DEF8: variants seen among roughly 807,000 people sequenced by gnomAD.
The protein encoded by DEF8 is DEF-8.
Under a neutral mutation model 59.1 loss-of-function variants are expected in DEF8, and 38 were observed. That is an observed-to-expected ratio of 0.64 (90% CI 0.50 to 0.84). The LOEUF is 0.84. DEF8 is among the 40% of genes least tolerant of loss of function. The probability of loss-of-function intolerance (pLI) is 0.00; values close to 1 mark genes in which losing one functional copy is unlikely to be tolerated. For synonymous variants in DEF8, 265 were observed against 250.1 expected (o/e 1.06, Z -0.56); for missense variants, 557 against 615.2 (o/e 0.91, Z 1.00).
At chr16:89,950,309 C>T (rs999613136) in intron 2 of DEF8, 2 of 985,384 alleles carry the variant, frequency 2.0e-6, no homozygotes, top group Non-Finnish European at 2.4e-6. Flanking sequence ...AGTCCTTAGC[C>T]CTTCCATCCA....
Position 89,966,522 on chromosome 16 carries a change from G to C in DEF8, c.*559G>C, listed in dbSNP as rs2034613849. 6.5e-6 allele frequency: 1 copy of C among 154,308 alleles called. No homozygotes were observed. The highest frequency in any genetic ancestry group is 2.4e-5 in the African/African-American group (1 of 41,482). The allele number at this position is 154,308 out of a possible 1,614,324, so 9.6% of individuals were successfully genotyped here. ...CCTTGGGGATTTCTGGTTGTCCCCA[G>C]CTGGGACTGTTCACAGTTGTCACCT... On this transcript the variant is annotated 3_prime_UTR_variant, in exon 13 of 13. Coordinates refer to ENST00000563594, the MANE Select transcript of DEF8 (RefSeq NM_001242818.2).
rs780951070 is a variant in DEF8 at position 89,964,324 on chromosome 16, C to T, written c.1143+14C>T. 7 of 1,571,918 alleles carry T rather than the reference C, an allele frequency of 4.5e-6. No homozygotes were observed. Among genetic ancestry groups the T allele is most frequent in the African/African-American group, 4.0e-5 (3 of 74,202 alleles). ...CTGGACTGCGAGGTGGGCCTCTGCC[C>T]GAGGGCCGCTCTTCTCCAACCCCAG... On this transcript the variant is annotated intron_variant, in intron 11 of 12. Transcript: ENST00000563594.
chr16:89,959,194 G>C (rs761334551), intron 6 of DEF8, 39 bp downstream of exon 6: 5 of 1,613,160 alleles, frequency 3.1e-6, no homozygotes, highest in East Asian at 4.5e-5. Context: ...GAATGAGAGA[G>C]ACCAAAGTTC....
In DEF8 at chr16:89,962,469, C is replaced by A. The variant is rs528610773; in HGVS notation, c.921+344C>A. 2.5e-3 allele frequency among the ~76,000 whole-genome samples: 384 copies of A among 152,248 alleles called. 3 individuals are homozygous for A. The highest frequency in any genetic ancestry group is 5.4e-3 in the South Asian group (26 of 4,826). On this transcript the variant is annotated intron_variant, in intron 9 of 12. Transcript: ENST00000563594. The stretch of plus-strand genomic sequence containing the variant: ...GGTCGGGAGTTTGAGACCAGCCTGA[C>A]CAACATGGTGAAACCCCATCTCTAC...
At chr16:89,962,255 G>A (rs1347132118) in intron 9 of DEF8, 130 bp downstream of exon 9, 2 of 787,432 alleles carry the variant, frequency 2.5e-6, no homozygotes, top group Non-Finnish European at 4.2e-6. Flanking sequence ...CCTGCTTAGG[G>A]TGAGCCAGGC....
intron 10 of DEF8, chr16:89,963,915 C>A: frequency 1.7e-6 from 1 of 572,680 alleles, no homozygotes; most frequent in South Asian, 1.8e-5. Context: ...GTGGGGAGTG[C>A]GGGGATGCGG....
At position 89,954,611 on chromosome 16, in the gene DEF8, T is replaced by A. The variant is rs1366220249; in HGVS notation, c.124+235T>A. ...TGCCTGACCCATCACTGCTGCATCC[T>A]AGGGCCCAGCACATAGTAGGTGCTC... On this transcript the variant is annotated intron_variant, in intron 3 of 12. Coordinates refer to ENST00000563594, the MANE Select transcript of DEF8 (RefSeq NM_001242818.2). This position sits in a 1 kb window ranked among gnomAD's most constrained non-coding sequence, Gnocchi z 4.3. Among the ~76,000 whole-genome samples the A allele has an allele frequency of 1.3e-5, 2 of 152,188 alleles. No individual in the cohort carries two copies. Among genetic ancestry groups the A allele is most frequent in the African/African-American group, 4.8e-5 (2 of 41,452 alleles).
rs2031533859 is a variant in DEF8, at chr16:89,949,431, A to G, written c.-93A>G. 3 of 1,606,962 alleles carry G rather than the reference A, an allele frequency of 1.9e-6. No homozygotes were observed. The highest frequency in any genetic ancestry group is 1.7e-6 in the Non-Finnish European group (2 of 1,178,426). On this transcript the variant is annotated 5_prime_UTR_variant, in exon 2 of 13. Transcript: ENST00000563594. ...TCTCCCTGCAGCAGGTGCCGAACCC[A>G]CGGCCAGGCTTCCGTGGCCAGCAGC...
intron 1 of DEF8, among the ~76,000 whole-genome samples, 166 bp downstream of exon 1, chr16:89,948,980 C>T (rs867323743): frequency 3.8e-5 from 2 of 52,596 alleles, no homozygotes; most frequent in South Asian, 8.5e-4. Flanking sequence ...GGGGACGGGG[C>T]CGGCGGGGAC....
At chr16:89,951,208 C>T (rs1448550849) in intron 2 of DEF8, among the ~76,000 whole-genome samples, 1 of 151,898 alleles carries the variant, frequency 6.6e-6, no homozygotes, top group African/African-American at 2.4e-5. Flanking sequence ...TCAAGCTGGA[C>T]GTGTCTGTCT....
In DEF8 at chr16:89,955,190, C is replaced by T. The variant is rs760345999; in HGVS notation, c.146C>T (p.Pro49Leu). The part of the protein sequence containing the change: ...TPEEALPELP[P>L]GEPEFRCPER... ...CCAGAGGCCCTGCCTGAGCTGCCCC[C>T]TGGGGAGCCGGAATTCCGCTGCCCT... The change falls in exon 4 of 13, where the codon CCT becomes CTT. Residue 49 changes from proline (P) to leucine (L), a missense_variant. Physicochemically the swap from Pro to Leu is moderately conservative, Grantham distance 98. Coordinates refer to ENST00000563594, the MANE Select transcript of DEF8 (RefSeq NM_001242818.2). The T allele has an allele frequency of 6.2e-7, 1 of 1,613,680 alleles. No homozygotes were observed. The highest frequency in any genetic ancestry group is 1.1e-5 in the South Asian group (1 of 91,078).
At chr16:89,951,419 A>G (rs1266133433) in intron 2 of DEF8, among the ~76,000 whole-genome samples, 2 of 151,782 alleles carry the variant, frequency 1.3e-5, no homozygotes, top group Non-Finnish European at 2.9e-5. Flanking sequence ...TAATTTTTGT[A>G]TTTTTGGTAG....
At position 89,967,219 on chromosome 16, in the gene DEF8, G is replaced by C; in HGVS notation, c.*1256G>C. On this transcript the variant is annotated 3_prime_UTR_variant, in exon 13 of 13. Coordinates refer to ENST00000563594, the MANE Select transcript of DEF8 (RefSeq NM_001242818.2). ...CCCACACCCTGGACTGTGCTTGGCT[G>C]TTGGTGCACATGGTTGGCACACGGT... The C allele has an allele frequency of 2.5e-6, 1 of 398,682 alleles. No homozygotes were observed. Among genetic ancestry groups the C allele is most frequent in the Non-Finnish European group, 4.4e-6 (1 of 226,172 alleles). The allele number at this position is 398,682 out of a possible 1,614,324, so 24.7% of individuals were successfully genotyped here.
Position 89,966,210 on chromosome 16 carries a change from T to TC in DEF8, c.*252dup. ...GGGGTCCTTGCGTGGCCCCCATCCT[T>TC]CCCCCAATGCAGAACTCCATGGGCA... On this transcript the variant is annotated 3_prime_UTR_variant, in exon 13 of 13. Transcript: ENST00000563594. The TC allele has an allele frequency of 2.4e-6, 1 of 417,924 alleles. No homozygotes were observed. The highest frequency in any genetic ancestry group is 4.5e-6 in the Non-Finnish European group (1 of 223,628). The allele number at this position is 417,924 out of a possible 1,614,324, so 25.9% of individuals were successfully genotyped here. A position where few individuals can be genotyped will look rare whatever the true frequency, so the allele number is the denominator to read the frequency against.
intron 2 of DEF8, among the ~76,000 whole-genome samples, chr16:89,950,590 A>C (rs965682128): frequency 6.6e-6 from 1 of 152,100 alleles, no homozygotes; most frequent in Non-Finnish European, 1.5e-5. Context: ...GGGTTTCACC[A>C]TGTTGGTCAG....
intron 2 of DEF8, among the ~76,000 whole-genome samples, chr16:89,950,668 C>T (rs1435808999): frequency 4.6e-5 from 7 of 152,186 alleles, no homozygotes; most frequent in African/African-American, 1.2e-4. Flanking sequence ...CACCACACAC[C>T]GGCCATGATT....
chr16:89,964,391 T>C (rs2034416009), intron 11 of DEF8, 75 bp from the exon 12 acceptor site: 1 of 1,547,352 alleles, frequency 6.5e-7, no homozygotes, highest in African/African-American at 1.4e-5. Context: ...CAGCCCAGTG[T>C]GTCCCTGGCC....
intron 4 of DEF8, among the ~76,000 whole-genome samples, chr16:89,955,756 G>C (rs1427363453): frequency 1.3e-5 from 2 of 152,198 alleles, no homozygotes; most frequent in African/African-American, 2.4e-5. Flanking sequence ...AGAAGAAAAG[G>C]GGGAGGATAT....
At chr16:89,960,432 C>T (rs2033872968) in intron 6 of DEF8, among the ~76,000 whole-genome samples, 1 of 152,032 alleles carries the variant, frequency 6.6e-6, no homozygotes. Flanking sequence ...TCGCTTGGGC[C>T]CTGGAGTCTG....
Sources: gnomAD v4.1 joint callset for allele counts (sites outside exome capture counted in the v4.1 genomes callset) on GRCh38, gnomAD v4.1.1 for gene constraint, Gnocchi (gnomAD v3.1) non-coding constraint, MANE v1.5 for transcripts, NCBI Gene and HGNC (gene_info 2026-07-23, HGNC 2026-07-21) for gene names.